Variants in AKR1C3 observed in about 807,000 individuals in gnomAD.
AKR1C3 encodes the protein 3-alpha hydroxysteroid dehydrogenase, type II.
Under a neutral mutation model 43.6 loss-of-function variants are expected in AKR1C3, and 48 were observed. The observed-to-expected ratio is 1.10, with a 90% CI of 0.87 to 1.40. The LOEUF (loss-of-function observed/expected upper bound fraction) is 1.40. AKR1C3 is among the 40% of genes most tolerant of loss of function. AKR1C3 has a pLI of 0.00. For missense variants in AKR1C3, 482 were observed against 391.2 expected (o/e 1.23, Z -1.96); for synonymous variants, 162 against 139.6 (o/e 1.16, Z -1.13).
chr10:5,104,265 ATTTC>A (rs1248322142), intron 7 of AKR1C3, among the ~76,000 whole-genome samples: 1 of 152,162 alleles, frequency 6.6e-6, no homozygotes, highest in African/African-American at 2.4e-5. Flanking sequence ...ATTCAAATGA[ATTTC>A]TTTTTCAATA....
chr10:5,050,738 T>G lies in AKR1C3; in HGVS notation c.84+1843T>G, dbSNP rs1437710728. On this transcript the variant is annotated intron_variant, in intron 1 of 8. Coordinates refer to the AKR1C3 transcript ENST00000439082. ...TAGGCATTTGTTTTTCCCTTTATTT[T>G]TTGTGCTATTTCTACATATACATTT... is the stretch of plus-strand genomic sequence containing the variant. Among the ~76,000 whole-genome samples the G allele has an allele frequency of 1.2e-4, 18 of 152,372 alleles. No individual in the cohort carries two copies. The East Asian group carries it at 3.1e-3, about 26-fold the overall frequency.
At chr10:5,078,819 A>G (rs1838772267) in intron 1 of AKR1C3, among the ~76,000 whole-genome samples, 1 of 152,222 alleles carries the variant, frequency 6.6e-6, no homozygotes, top group Non-Finnish European at 1.5e-5. Context: ...GCAAGGGACT[A>G]TTTGCCTCAA....
At chr10:5,078,320 G>T (rs1252957071) in intron 1 of AKR1C3, among the ~76,000 whole-genome samples, 2 of 152,186 alleles carry the variant, frequency 1.3e-5, no homozygotes, top group Non-Finnish European at 2.9e-5. Context: ...GCATGTGCCT[G>T]TAGTCCCCGC....
At chr10:5,102,034 T>C in intron 5 of AKR1C3, 67 bp from the exon 6 acceptor site, 1 of 1,030,336 alleles carries the variant, frequency 9.7e-7, no homozygotes, top group Non-Finnish European at 1.5e-6. Context: ...TTCCTTACTT[T>C]CATCTTTTCA....
intron 1 of AKR1C3, among the ~76,000 whole-genome samples, chr10:5,073,712 G>A (rs1156936812): frequency 6.6e-6 from 1 of 152,184 alleles, no homozygotes; most frequent in Admixed American, 6.5e-5. Context: ...TGCCATGACT[G>A]TATTTTGGTA....
chr10:5,105,554 C>A (rs782372273), intron 7 of AKR1C3, 41 bp from the exon 8 acceptor site: 1 of 1,474,680 alleles, frequency 6.8e-7, no homozygotes, highest in South Asian at 1.2e-5. Flanking sequence ...GGATTCACAA[C>A]TGGCAATCTA....
chr10:5,068,245 C>T (rs186449751), intron 1 of AKR1C3, among the ~76,000 whole-genome samples: 53 of 152,156 alleles, frequency 3.5e-4, no homozygotes, highest in African/African-American at 1.2e-3. Context: ...TTAGAACATA[C>T]ATTAGCATTA....
chr10:5,080,214 A>C (rs1332013922), intron 1 of AKR1C3, among the ~76,000 whole-genome samples: 1 of 152,098 alleles, frequency 6.6e-6, no homozygotes, highest in Non-Finnish European at 1.5e-5. Context: ...GAAACACTGT[A>C]TGGGAATGTG....
At chr10:5,093,376 C>T (rs1319392500), upstream of AKR1C3, 6 of 151,938 alleles carry the variant, frequency 3.9e-5, no homozygotes, top group African/African-American at 1.5e-4. Context: ...ACTTATTTCT[C>T]AACTTACTTT....
At chr10:5,087,852 C>A (rs782133911) in intron 1 of AKR1C3, among the ~76,000 whole-genome samples, 25 of 150,684 alleles carry the variant, frequency 1.7e-4, no homozygotes, top group South Asian at 4.2e-4. Flanking sequence ...ATTCTTATTT[C>A]TTTTCTTCTG....
chr10:5,083,472 T>G (rs1205554388), intron 1 of AKR1C3, among the ~76,000 whole-genome samples: 1 of 152,240 alleles, frequency 6.6e-6, no homozygotes, highest in Admixed American at 6.5e-5. Flanking sequence ...TAATCCAGTC[T>G]ATCGTTGTTG....
Position 5,094,537 on chromosome 10 carries a change from A to G in AKR1C3, c.84+9A>G. On this transcript the variant is annotated intron_variant, in intron 1 of 8. Transcript: ENST00000380554. ...CCTATGCACCTCCAGAGGTAAGAAT[A>G]ATTCCTTTTAGTTTTCGGATTTCAA... is the stretch of plus-strand genomic sequence containing the variant. 6.2e-7 allele frequency: 1 copy of G among 1,612,240 alleles called. No individual in the cohort carries two copies.
chr10:5,104,952 TCTCA>T (rs1362415102), intron 7 of AKR1C3, among the ~76,000 whole-genome samples: 4 of 152,146 alleles, frequency 2.6e-5, no homozygotes, highest in African/African-American at 7.2e-5. Context: ...ATTCTCTCTC[TCTCA>T]TTCTCTGTAT....
At chr10:5,067,010 A>G (rs1838519386) in intron 1 of AKR1C3, among the ~76,000 whole-genome samples, 1 of 152,072 alleles carries the variant, frequency 6.6e-6, no homozygotes, top group Admixed American at 6.5e-5. Context: ...TTAACCCATG[A>G]TGTGGATTAA....
intron 8 of AKR1C3, among the ~76,000 whole-genome samples, chr10:5,106,691 C>G (rs920812044): frequency 2.0e-5 from 3 of 150,672 alleles, no homozygotes; most frequent in Non-Finnish European, 2.9e-5. Flanking sequence ...GCAAAGGATG[C>G]AGCAGTGAGC....
At chr10:5,106,126 A>ATTGC in intron 8 of AKR1C3, among the ~76,000 whole-genome samples, 1 of 152,160 alleles carries the variant, frequency 6.6e-6, no homozygotes, top group East Asian at 1.9e-4. Flanking sequence ...TTCATATGGA[A>ATTGC]TTGCTTGCTA....
At chr10:5,072,206 TGGC>T (rs1838625234) in intron 1 of AKR1C3, among the ~76,000 whole-genome samples, 1 of 152,220 alleles carries the variant, frequency 6.6e-6, no homozygotes, top group Non-Finnish European at 1.5e-5. Context: ...GGCCAAACCC[TGGC>T]ATAAGTCAAA....
chr10:5,056,713 A>G (rs1588330880), intron 1 of AKR1C3, among the ~76,000 whole-genome samples: 1 of 152,330 alleles, frequency 6.6e-6, no homozygotes, highest in East Asian at 1.9e-4. Flanking sequence ...GGGGACAACA[A>G]ATGGGTAACT....
At chr10:5,094,044 A>G (rs1430903695), upstream of AKR1C3, 2 of 163,780 alleles carry the variant, frequency 1.2e-5, no homozygotes, top group Non-Finnish European at 2.6e-5. Context: ...ATGATGCAGT[A>G]TAAAGAAGGG....
Sources: gnomAD v4.1 joint callset for allele counts (sites outside exome capture counted in the v4.1 genomes callset) on GRCh38, gnomAD v4.1.1 for gene constraint, MANE v1.5 for transcripts, NCBI Gene and HGNC (gene_info 2026-07-23, HGNC 2026-07-21) for gene names.